The following POLR3B variants were observed in gnomAD, a reference collection of about 807,000 sequenced individuals.
The protein encoded by POLR3B is RNA polymerase III subunit B.
Under a neutral mutation model 147.4 loss-of-function variants are expected in POLR3B, and 96 were observed. The observed-to-expected ratio is 0.65, with a 90% CI of 0.55 to 0.77. POLR3B has a LOEUF of 0.77. Among genes scored for constraint, POLR3B ranks in the 30% least tolerant of loss-of-function variants. The pLI, the probability that POLR3B is intolerant of heterozygous loss-of-function variation, is 0.00. For synonymous variants in POLR3B, 461 were observed against 485.9 expected (o/e 0.95, Z 0.67); for missense variants, 1,036 against 1,413.5 (o/e 0.73, Z 4.28).
chr12:106,448,992 G>A (rs1029204596), intron 19 of POLR3B, among the ~76,000 whole-genome samples: 1 of 151,858 alleles, frequency 6.6e-6, no homozygotes, highest in Non-Finnish European at 1.5e-5. Flanking sequence ...TAAGCCCCTC[G>A]AAGTCAGGAG....
At chr12:106,484,954 G>A (rs2038318126) in intron 23 of POLR3B, among the ~76,000 whole-genome samples, 2 of 152,088 alleles carry the variant, frequency 1.3e-5, no homozygotes, top group African/African-American at 4.8e-5. Context: ...GATGATGGGG[G>A]CATATCCTAT....
chr12:106,441,217 G>GCA, intron 18 of POLR3B, among the ~76,000 whole-genome samples: 1 of 152,026 alleles, frequency 6.6e-6, no homozygotes, highest in South Asian at 2.1e-4. Context: ...TTCCATATTA[G>GCA]TATATATATT....
chr12:106,498,578 G>T (rs2038537927), intron 25 of POLR3B, among the ~76,000 whole-genome samples: 1 of 139,304 alleles, frequency 7.2e-6, no homozygotes, highest in Non-Finnish European at 1.6e-5. Flanking sequence ...GTTTTTTGGG[G>T]TTTGTTTTTT....
rs1288691030 is a variant in POLR3B at position 106,477,895 on chromosome 12, T to A, written c.2713+14275T>A. The stretch of plus-strand genomic sequence containing the variant: ...TCGGCCATCTTGGCTCCTCCCCTTT[T>A]TTTTTTTTTTTTTTTTTTTTTTTTT... On this transcript the variant is annotated intron_variant, in intron 23 of 27. Transcript: ENST00000228347. 2.2e-3 allele frequency among the ~76,000 whole-genome samples: 202 copies of A among 90,234 alleles called. 3 individuals carry two copies. The highest frequency in any genetic ancestry group is 9.5e-3 in the African/African-American group (190 of 19,930). 59.2% of individuals were successfully genotyped at this position (90,234 alleles called of 152,430 possible).
In POLR3B at chr12:106,441,405, A is replaced by G. The variant is rs1473193230; in HGVS notation, c.1956-3058A>G. On this transcript the variant is annotated intron_variant, in intron 18 of 27. Coordinates refer to ENST00000228347, the MANE Select transcript of POLR3B (RefSeq NM_018082.6). Reference sequence around the variant, plus strand: ...ACACATAGACTGTATGCTAAAGCCTATTGCTTCTAGACTACAAACCTGTAC... The same window carrying G: ...ACACATAGACTGTATGCTAAAGCCTGTTGCTTCTAGACTACAAACCTGTAC... Among the ~76,000 whole-genome samples, 10 of 152,310 alleles carry G rather than the reference A, an allele frequency of 6.6e-5. No homozygotes were observed. In the South Asian group the frequency reaches 1.4e-3, roughly 22 times the overall value.
chr12:106,370,383 G>T (rs2036587530), intron 6 of POLR3B, among the ~76,000 whole-genome samples: 1 of 152,036 alleles, frequency 6.6e-6, no homozygotes, highest in Admixed American at 6.6e-5. Flanking sequence ...GTTCCTATTG[G>T]CTACCTTCAT....
chr12:106,485,763 G>A (rs1020341020), intron 23 of POLR3B, among the ~76,000 whole-genome samples: 5 of 152,166 alleles, frequency 3.3e-5, no homozygotes, highest in African/African-American at 1.2e-4. Flanking sequence ...TGGGCCTCAG[G>A]TTGAGATGAT....
At chr12:106,482,887 A>G (rs2038288831) in intron 23 of POLR3B, among the ~76,000 whole-genome samples, 2 of 152,140 alleles carry the variant, frequency 1.3e-5, no homozygotes, top group African/African-American at 4.8e-5. Flanking sequence ...AGCCAAACTC[A>G]CTACTCCCAG....
intron 12 of POLR3B, among the ~76,000 whole-genome samples, chr12:106,416,668 G>A (rs897654549): frequency 6.6e-6 from 1 of 152,164 alleles, no homozygotes; most frequent in African/African-American, 2.4e-5. Flanking sequence ...TCTGGTTGAG[G>A]TGGGACAGAG....
intron 1 of POLR3B, chr12:106,358,209 C>A: frequency 7.1e-7 from 1 of 1,412,928 alleles, no homozygotes; most frequent in Non-Finnish European, 9.2e-7. Flanking sequence ...AGGGTTGGAG[C>A]TCTTCCAGCA....
chr12:106,383,658 C>T (rs1593009524), intron 9 of POLR3B, among the ~76,000 whole-genome samples: 1 of 151,920 alleles, frequency 6.6e-6, no homozygotes, highest in East Asian at 1.9e-4. Context: ...TTTGTGGCAC[C>T]CCAAAACAGT....
In POLR3B at chr12:106,504,884, C is replaced by G. The variant is rs576464182; in HGVS notation, c.3272+630C>G. 6.6e-6 allele frequency among the ~76,000 whole-genome samples: 1 copy of G among 152,284 alleles called. No homozygotes were observed. The highest frequency in any genetic ancestry group is 2.1e-4 in the South Asian group (1 of 4,822). Reference sequence around the variant, plus strand: ...GACACTGTTCTAGGCCCTAGAAATGCAGCAGTGAACAAGACAGTGGATGGC... The same window carrying G: ...GACACTGTTCTAGGCCCTAGAAATGGAGCAGTGAACAAGACAGTGGATGGC... On this transcript the variant is annotated intron_variant, in intron 27 of 27. Coordinates refer to ENST00000228347, the MANE Select transcript of POLR3B (RefSeq NM_018082.6). The surrounding 1 kb of genome is among the most constrained non-coding windows in gnomAD (Gnocchi z 4.6).
At chr12:106,442,852 A>G (rs926743658) in intron 18 of POLR3B, among the ~76,000 whole-genome samples, 3 of 152,182 alleles carry the variant, frequency 2.0e-5, no homozygotes, top group Non-Finnish European at 2.9e-5. Context: ...ACAAATACCT[A>G]TAATTAATCT....
At chr12:106,369,740 G>C in intron 6 of POLR3B, 57 bp downstream of exon 6, 1 of 1,093,924 alleles carries the variant, frequency 9.1e-7, no homozygotes, top group Non-Finnish European at 1.4e-6. Context: ...CCCATGATGT[G>C]ATCCCATTTC....
In POLR3B at chr12:106,509,685, G is replaced by A; in HGVS notation, c.*136G>A. Reference sequence around the variant, plus strand: ...CTCTCTAAAACAACCAAAAAAAAATGGAGAGGCTTTTTATATACTCTAAGA... The same window carrying A: ...CTCTCTAAAACAACCAAAAAAAAATAGAGAGGCTTTTTATATACTCTAAGA... On this transcript the variant is annotated 3_prime_UTR_variant, in exon 28 of 28. Transcript: ENST00000228347. The A allele has an allele frequency of 3.8e-6, 3 of 782,352 alleles. No homozygotes were observed. Among genetic ancestry groups the A allele is most frequent in the Non-Finnish European group, 6.3e-6 (3 of 477,686 alleles). The allele number at this position is 782,352 out of a possible 1,614,324, so 48.5% of individuals were successfully genotyped here.
chr12:106,423,613 A>G (rs867479513), intron 12 of POLR3B, among the ~76,000 whole-genome samples: 7 of 152,154 alleles, frequency 4.6e-5, no homozygotes, highest in African/African-American at 1.4e-4. Context: ...CAGCTCCAGA[A>G]GAGAGAATAA....
Position 106,366,504 on chromosome 12 carries a change from C to T in POLR3B, c.106-12C>T, listed in dbSNP as rs1238344348. The T allele has an allele frequency of 6.3e-7, 1 of 1,592,532 alleles. No individual in the cohort carries two copies. Among genetic ancestry groups the T allele is most frequent in the East Asian group, 2.2e-5 (1 of 44,746 alleles). On this transcript the variant is annotated splice_polypyrimidine_tract_variant and intron_variant, in intron 2 of 27. Transcript: ENST00000228347. ...TTGCTAACCTGTTTACTTTCTCTTT[C>T]TATCTGTTTAGGTGAAAGGCCTTGT...
chr12:106,358,583 A>G (rs2036422825), intron 1 of POLR3B, among the ~76,000 whole-genome samples: 1 of 152,166 alleles, frequency 6.6e-6, no homozygotes, highest in African/African-American at 2.4e-5. Flanking sequence ...TTATCTGATA[A>G]GGCACATTTT....
chr12:106,404,289 C>T (rs187702361), intron 10 of POLR3B, among the ~76,000 whole-genome samples: 155 of 152,112 alleles, frequency 1.0e-3, no homozygotes, highest in African/African-American at 3.6e-3. Context: ...GACGGAGTTT[C>T]GCCATGTTGG....
Sources: gnomAD v4.1 joint callset for allele counts (sites outside exome capture counted in the v4.1 genomes callset) on GRCh38, gnomAD v4.1.1 for gene constraint, Gnocchi (gnomAD v3.1) non-coding constraint, MANE v1.5 for transcripts, NCBI Gene and HGNC (gene_info 2026-07-23, HGNC 2026-07-21) for gene names.